ANKRD62: variants seen among roughly 807,000 people sequenced by gnomAD.
The protein encoded by ANKRD62 is ankyrin repeat domain 62.
In ANKRD62, 61 loss-of-function variants were observed where a neutral mutation model predicts 98.8. That is an observed-to-expected ratio of 0.62 (90% confidence interval 0.50 to 0.76). The LOEUF is 0.76. Among genes scored for constraint, ANKRD62 ranks in the 30% least tolerant of loss-of-function variants. The pLI is 0.00. For synonymous variants in ANKRD62, 341 were observed against 367.9 expected (o/e 0.93, Z 0.84); for missense variants, 933 against 1,082.9 (o/e 0.86, Z 1.94).
chr18:12,102,247 G>A, intron 6 of ANKRD62: 1 of 771,924 alleles, frequency 1.3e-6, no homozygotes, highest in South Asian at 1.3e-5. Flanking sequence ...AGGCCCAGGA[G>A]CAAAACACTG....
At position 12,115,532 on chromosome 18, in the gene ANKRD62, A is replaced by C. The variant is rs1909645265; in HGVS notation, c.1238A>C (p.Lys413Thr). ...LLIEQSGMEC[K>T]DFVSLSKSKN... ...ATTGAACAAAGTGGAATGGAGTGTA[A>C]AGGTAGGACCAATGCATAAATATAA... The change falls in exon 10 of 14, where the codon AAA (lysine) becomes ACA (threonine). Residue 413 changes from lysine to threonine, a missense_variant and splice_region_variant. Physicochemically the swap from Lys to Thr is moderately conservative, Grantham distance 78. Transcript: ENST00000587848. 2.0e-6 allele frequency: 3 copies of C among 1,535,466 alleles called. No homozygotes were observed. The highest frequency in any genetic ancestry group is 4.9e-5 in the East Asian group (2 of 40,830).
chr18:12,116,356 T>C (rs1909665080), intron 10 of ANKRD62, among the ~76,000 whole-genome samples: 1 of 152,248 alleles, frequency 6.6e-6, no homozygotes, highest in African/African-American at 2.4e-5. Flanking sequence ...TATTTATTTG[T>C]AGCCATTCTT....
the ANKRD62 span, among the ~76,000 whole-genome samples, chr18:12,145,513 G>A: frequency 6.6e-6 from 1 of 150,834 alleles, no homozygotes; most frequent in African/African-American, 2.4e-5. Context: ...GGTGGATGTG[G>A]ATGGGGTCCC....
the ANKRD62 span, among the ~76,000 whole-genome samples, chr18:12,156,775 C>T: frequency 5.9e-5 from 9 of 152,136 alleles, no homozygotes; most frequent in South Asian, 1.9e-3. Context: ...TAAAAAATAT[C>T]CTATATTAAT....
chr18:12,166,659 A>G, the ANKRD62 span, among the ~76,000 whole-genome samples: 1 of 151,538 alleles, frequency 6.6e-6, no homozygotes, highest in Non-Finnish European at 1.5e-5. Flanking sequence ...TGGTGAGGTC[A>G]TTTTTTTCCT....
chr18:12,152,337 C>T, the ANKRD62 span, among the ~76,000 whole-genome samples: 1 of 152,154 alleles, frequency 6.6e-6, no homozygotes, highest in Non-Finnish European at 1.5e-5. Context: ...AAATCCTCAA[C>T]AAAATCCTTG....
intron 7 of ANKRD62, among the ~76,000 whole-genome samples, chr18:12,105,151 G>T (rs543443090): frequency 1.6e-4 from 24 of 152,142 alleles, no homozygotes; most frequent in Non-Finnish European, 2.9e-4. Context: ...CTGCTCCAGA[G>T]AAATTAAGTA....
chr18:12,113,634 A>G (rs1909596582), intron 8 of ANKRD62, among the ~76,000 whole-genome samples: 2 of 152,224 alleles, frequency 1.3e-5, no homozygotes, highest in Non-Finnish European at 2.9e-5. Flanking sequence ...TCAAAAAAAA[A>G]AAGTACAAAA....
chr18:12,175,614 G>A, the ANKRD62 span, among the ~76,000 whole-genome samples: 3 of 151,986 alleles, frequency 2.0e-5, no homozygotes, highest in Non-Finnish European at 2.9e-5. Flanking sequence ...GGGTCCACCA[G>A]CACAGAAGCT....
chr18:12,153,446 G>A, the ANKRD62 span, among the ~76,000 whole-genome samples: 4 of 151,844 alleles, frequency 2.6e-5, no homozygotes, highest in Non-Finnish European at 5.9e-5. Context: ...ACAAAAATTA[G>A]CCAGGTGTGG....
the ANKRD62 span, among the ~76,000 whole-genome samples, chr18:12,157,749 G>A: frequency 2.6e-5 from 4 of 152,182 alleles, no homozygotes; most frequent in Non-Finnish European, 5.9e-5. Flanking sequence ...CAAGGAGGAG[G>A]CTGAATAGTA....
chr18:12,131,804 A>G (rs116477470), downstream of ANKRD62, among the ~76,000 whole-genome samples: 678 of 152,096 alleles, frequency 4.5e-3, 7 homozygotes, highest in African/African-American at 0.015. Flanking sequence ...GTTCTGTTCT[A>G]TTGATCTCTT....
At position 12,107,358 on chromosome 18, in the gene ANKRD62, G is replaced by A. The variant is rs1340360791; in HGVS notation, c.955G>A (p.Asp319Asn). 13 of 1,519,320 alleles carry A rather than the reference G, an allele frequency of 8.6e-6. No homozygotes were observed. The highest frequency in any genetic ancestry group is 9.7e-6 in the Non-Finnish European group (11 of 1,139,086). The allele number at this position is 1,519,320 out of a possible 1,614,324, so 94.1% of individuals were successfully genotyped here. A position where few individuals can be genotyped will look rare whatever the true frequency, so the allele number is the denominator to read the frequency against. ...GGAAGTGTCAAGAAACGTACATGCT[G>A]ATGACAGTGACAATTATAATGATGA... The part of the protein sequence containing the change: ...KMEVSRNVHA[D>N]DSDNYNDDVD... The change falls in exon 8 of 14, where the codon GAT becomes AAT. Residue 319 changes from aspartate (D) to asparagine (N), a missense_variant. Asp to Asn is a conservative substitution (Grantham distance 23). Around this residue, in one of 3 missense-constraint regions of ANKRD62, gnomAD observed 549 missense variants for 587.9 expected, o/e 0.93. Coordinates refer to ENST00000587848, the MANE Select transcript of ANKRD62 (RefSeq NM_001277333.2).
At chr18:12,170,923 G>A in the ANKRD62 span, among the ~76,000 whole-genome samples, 1 of 147,994 alleles carries the variant, frequency 6.8e-6, no homozygotes, top group African/African-American at 2.5e-5. Context: ...TTGGTTTAAA[G>A]TCTGTTTTAT....
At chr18:12,103,964 C>G (rs1909362556) in intron 7 of ANKRD62, among the ~76,000 whole-genome samples, 2 of 151,998 alleles carry the variant, frequency 1.3e-5, no homozygotes, top group South Asian at 4.2e-4. Context: ...TAAGAATTTG[C>G]TTTTCTTTTG....
chr18:12,172,395 T>C, the ANKRD62 span, among the ~76,000 whole-genome samples: 1 of 152,212 alleles, frequency 6.6e-6, no homozygotes, highest in Admixed American at 6.5e-5. Context: ...TGTTGGAGTT[T>C]GCTGGAGGTC....
At chr18:12,099,817 T>A (rs1909260861) in intron 6 of ANKRD62, 135 bp downstream of exon 6, 3 of 419,276 alleles carry the variant, frequency 7.2e-6, no homozygotes, top group Non-Finnish European at 1.2e-5. Flanking sequence ...AATTACTTTC[T>A]TAGTAATCTA....
At chr18:12,126,718 A>G (rs1260738114) in intron 13 of ANKRD62, among the ~76,000 whole-genome samples, 1 of 152,258 alleles carries the variant, frequency 6.6e-6, no homozygotes, top group African/African-American at 2.4e-5. Flanking sequence ...ACGATAAAGC[A>G]GATATAAAGA....
At chr18:12,112,929 G>A (rs1313790258) in intron 8 of ANKRD62, among the ~76,000 whole-genome samples, 6 of 152,076 alleles carry the variant, frequency 3.9e-5, no homozygotes, top group African/African-American at 1.2e-4. Context: ...TTAGTCTGGC[G>A]TTGTCTCCCA....
Sources: allele counts gnomAD v4.1 joint callset (sites outside exome capture counted in the v4.1 genomes callset), GRCh38; gene constraint gnomAD v4.1.1; regional missense constraint gnomAD v4.1.1; transcripts MANE v1.5; gene names NCBI Gene and HGNC (gene_info 2026-07-23, HGNC 2026-07-21).